The following GIT2 variants were observed in gnomAD, a reference collection of about 807,000 sequenced individuals.
GIT2 encodes ARF GTPase-activating protein GIT2.
GIT2 carries 32 observed loss-of-function variants against 100.3 expected under a neutral mutation model. The observed-to-expected ratio is 0.32, with a 90% CI of 0.24 to 0.43. The LOEUF is 0.43. GIT2 is among the 20% of genes least tolerant of loss of function. The pLI, the probability that GIT2 is intolerant of heterozygous loss-of-function variation, is 1.00. For synonymous variants in GIT2, 353 were observed against 364.1 expected, an observed-to-expected ratio of 0.97 and a Z score of 0.35; for missense variants, 737 against 975.1, an observed-to-expected ratio of 0.76 and a Z score of 3.25.
chr12:109,939,109 C>T, intron 17 of GIT2, 56 bp downstream of exon 17: 1 of 1,014,440 alleles, frequency 9.9e-7, no homozygotes, highest in Non-Finnish European at 1.6e-6. Flanking sequence ...CCCAGGCCTG[C>T]CAGGTCTCTG....
At chr12:109,953,267 C>T (rs999722146) in intron 12 of GIT2, 33 bp from the exon 13 acceptor site, 2 of 1,605,218 alleles carry the variant, frequency 1.2e-6, no homozygotes, top group African/African-American at 2.7e-5. Flanking sequence ...TTACTTCAGG[C>T]TTAAAACATT....
rs562796276 is a variant in GIT2, at chr12:109,933,517, C to T, written c.2068-327G>A. ...AAATTTTAAAATGTGCCTTTTAGCA[C>T]GACTTGTATATCCTTGTCTTATTAA... On this transcript the variant is annotated intron_variant, in intron 19 of 19. Coordinates refer to ENST00000355312, the MANE Select transcript of GIT2 (RefSeq NM_057169.5). The surrounding 1 kb of genome is among the most constrained non-coding windows in gnomAD (Gnocchi z 4.5). The T allele has an allele frequency of 1.1e-5, 3 of 266,126 alleles. No individual in the cohort carries two copies. Among genetic ancestry groups the T allele is most frequent in the African/African-American group, 2.2e-5 (1 of 45,810 alleles). The allele number at this position is 266,126 out of a possible 1,614,324, so 16.5% of individuals were successfully genotyped here.
chr12:109,985,243 C>T (rs1161563178), intron 4 of GIT2, among the ~76,000 whole-genome samples: 1 of 151,904 alleles, frequency 6.6e-6, no homozygotes, highest in African/African-American at 2.4e-5. Flanking sequence ...GCTAGTATTA[C>T]AGGGATGTGC....
At chr12:109,980,655 A>T (rs1025674809) in intron 7 of GIT2, among the ~76,000 whole-genome samples, 2 of 152,270 alleles carry the variant, frequency 1.3e-5, no homozygotes, top group South Asian at 2.1e-4. Context: ...TCCTAGTCCC[A>T]CCATGTTCAA....
chr12:109,980,288 C>A (rs1369052719), intron 7 of GIT2, among the ~76,000 whole-genome samples: 2 of 152,166 alleles, frequency 1.3e-5, no homozygotes, highest in African/African-American at 2.4e-5. Flanking sequence ...AGGCTACTTT[C>A]GAATTCCTAG....
chr12:109,999,916 A>G, upstream of GIT2: 1 of 743,900 alleles, frequency 1.3e-6, no homozygotes, highest in Non-Finnish European at 2.0e-6. This position sits in a 1 kb window ranked among gnomAD's most constrained non-coding sequence, Gnocchi z 4.3. Context: ...CAGGTGTGGG[A>G]CAGTCCTAAT....
chr12:109,977,794 C>T (rs533725758), intron 7 of GIT2, among the ~76,000 whole-genome samples: 21 of 149,608 alleles, frequency 1.4e-4, no homozygotes, highest in Non-Finnish European at 1.5e-4. Context: ...TGCACTCCAG[C>T]CTGGGCAACA....
rs1038269030 is a variant in GIT2 at position 109,929,932 on chromosome 12, G to T, written c.*3046C>A. The T allele has an allele frequency of 3.9e-4, 60 of 152,560 alleles. No homozygotes were observed. Among genetic ancestry groups the T allele is most frequent in the African/African-American group, 1.4e-3 (57 of 41,448 alleles). 9.5% of individuals were successfully genotyped at this position (152,560 alleles called of 1,614,324 possible). A position where few individuals can be genotyped will look rare whatever the true frequency, so the allele number is the denominator to read the frequency against. On this transcript the variant is annotated 3_prime_UTR_variant, in exon 20 of 20. Transcript: ENST00000355312. ...AAAGTACAGAATAATGAGTGACAGG[G>T]ATCAAACACGTTGGAATAAAAGGCA...
At chr12:109,969,302 G>T (rs1293203919) in intron 7 of GIT2, among the ~76,000 whole-genome samples, 1 of 151,388 alleles carries the variant, frequency 6.6e-6, no homozygotes, top group Non-Finnish European at 1.5e-5. Context: ...CAAGTAGCTG[G>T]GATTACAGGC....
At chr12:109,961,467 C>T (rs1277640845) in intron 10 of GIT2, 92 bp from the exon 11 acceptor site, 1 of 955,132 alleles carries the variant, frequency 1.0e-6, no homozygotes, top group Non-Finnish European at 1.7e-6. Context: ...AGGGGAAACA[C>T]ACTCTGAAGC....
chr12:109,958,877 C>A (rs1470119478), intron 12 of GIT2, among the ~76,000 whole-genome samples: 1 of 152,158 alleles, frequency 6.6e-6, no homozygotes. Context: ...AGGACCTGGG[C>A]TACTGAACTA....
upstream of GIT2, chr12:109,997,852 A>G (rs1310141997): frequency 6.6e-6 from 1 of 152,278 alleles, no homozygotes; most frequent in Non-Finnish European, 1.5e-5. Flanking sequence ...GATAAACACA[A>G]TGAAATGAGG....
At chr12:109,950,052 C>A (rs1877408202) in intron 14 of GIT2, among the ~76,000 whole-genome samples, 1 of 152,224 alleles carries the variant, frequency 6.6e-6, no homozygotes. Flanking sequence ...ATTCTTCATT[C>A]CCTGCTACTA....
intron 6 of GIT2, chr12:109,981,987 T>G (rs1212687163): frequency 6.6e-6 from 1 of 152,230 alleles, no homozygotes; most frequent in Non-Finnish European, 1.5e-5. Context: ...CTTATTTTCA[T>G]TTTTTAGTAT....
Position 109,978,076 on chromosome 12 carries a change from GTT to G in GIT2, c.718+2874_718+2875del, listed in dbSNP as rs111855474. Among the ~76,000 whole-genome samples the G allele has an allele frequency of 5.4e-3, 503 of 93,450 alleles. 1 individual carries two copies. Among genetic ancestry groups the G allele is most frequent in the Non-Finnish European group, 7.6e-3 (372 of 48,888 alleles). 61.3% of individuals were successfully genotyped at this position (93,450 alleles called of 152,430 possible). A position where few individuals can be genotyped will look rare whatever the true frequency, so the allele number is the denominator to read the frequency against. On this transcript the variant is annotated intron_variant, in intron 7 of 19. Coordinates refer to ENST00000355312, the MANE Select transcript of GIT2 (RefSeq NM_057169.5). The stretch of plus-strand genomic sequence containing the variant: ...TTTATGTCTTTCACCAAATTTAGAG[GTT>G]TTTTTTTTTTTTTTTTTTTTTTGAG...
chr12:109,950,603 GTTT>G (rs573824646), intron 14 of GIT2: 5 of 152,664 alleles, frequency 3.3e-5, no homozygotes, highest in Admixed American at 1.3e-4. Context: ...AAATGAGATT[GTTT>G]TTTACCAGTG....
At position 109,988,087 on chromosome 12, in the gene GIT2, C is replaced by T. The variant is rs569940835; in HGVS notation, c.405+876G>A. Among the ~76,000 whole-genome samples, 9 of 152,198 alleles carry T rather than the reference C, an allele frequency of 5.9e-5. No individual in the cohort carries two copies. In the East Asian group the frequency reaches 1.7e-3, roughly 29 times the overall value. On this transcript the variant is annotated intron_variant, in intron 4 of 19. Transcript: ENST00000355312. The stretch of plus-strand genomic sequence containing the variant: ...AATTGTCCTATAATCTTTCTAGTCC[C>T]TTCTAGAAACAACTCTGAGATGGTT...
At chr12:109,943,347 T>C (rs992489404) in intron 16 of GIT2, among the ~76,000 whole-genome samples, 1 of 152,000 alleles carries the variant, frequency 6.6e-6, no homozygotes, top group African/African-American at 2.4e-5. Flanking sequence ...TTTTTTTTTT[T>C]AAGACAATCT....
At chr12:109,978,014 C>G (rs1205482365) in intron 7 of GIT2, among the ~76,000 whole-genome samples, 1 of 144,690 alleles carries the variant, frequency 6.9e-6, no homozygotes, top group Non-Finnish European at 1.5e-5. Context: ...TTGAGTTTAT[C>G]TTCTTTGGAA....
Sources: gnomAD v4.1 joint callset for allele counts (sites outside exome capture counted in the v4.1 genomes callset) on GRCh38, gnomAD v4.1.1 for gene constraint, Gnocchi (gnomAD v3.1) non-coding constraint, MANE v1.5 for transcripts, NCBI Gene and HGNC (gene_info 2026-07-23, HGNC 2026-07-21) for gene names.